The following KHDRBS2 variants were observed in gnomAD, a reference collection of about 807,000 sequenced individuals.
KHDRBS2 encodes the protein KH RNA binding domain containing, signal transduction associated 2, also known as KH domain-containing, RNA-binding, signal transduction-associated protein 2.
A neutral mutation model predicts 44.3 loss-of-function variants in KHDRBS2; 26 were observed. That is an observed-to-expected ratio of 0.59 (90% confidence interval 0.43 to 0.81). The LOEUF is 0.81. Among genes scored for constraint, KHDRBS2 ranks in the 40% least tolerant of loss-of-function variants. KHDRBS2 has a pLI of 0.00. For synonymous variants in KHDRBS2, 194 were observed against 151.1 expected, an observed-to-expected ratio of 1.28 and a Z score of -2.08; for missense variants, 476 against 433.1, an observed-to-expected ratio of 1.10 and a Z score of -0.88.
chr6:61,854,969 G>T (rs1362342032), intron 6 of KHDRBS2, among the ~76,000 whole-genome samples: 1 of 152,046 alleles, frequency 6.6e-6, no homozygotes, highest in East Asian at 1.9e-4. Context: ...GTATTCACAC[G>T]TAGGACTGTC....
chr6:62,182,386 G>A (rs1456480293), intron 1 of KHDRBS2, among the ~76,000 whole-genome samples: 2 of 151,962 alleles, frequency 1.3e-5, no homozygotes, highest in African/African-American at 4.8e-5. Flanking sequence ...GAGAACCACT[G>A]TACAACATAG....
chr6:62,129,420 T>C (rs537003687), intron 2 of KHDRBS2, among the ~76,000 whole-genome samples: 16 of 152,224 alleles, frequency 1.1e-4, no homozygotes, highest in African/African-American at 3.6e-4. Context: ...AAAAGGAATA[T>C]GTCATTAGAT....
rs781674631 is a variant in KHDRBS2, at chr6:62,169,147, G to GTGTATATATACATATACATATATGTATA, written c.219+8037_219+8038insTATACATATATGTATATGTATATATACA. Among the ~76,000 whole-genome samples the GTGTATATATACATATACATATATGTATA allele has an allele frequency of 2.0e-4, 20 of 98,522 alleles. 2 individuals are homozygous for GTGTATATATACATATACATATATGTATA. In the East Asian group the frequency reaches 2.6e-3, roughly 13 times the overall value. 64.6% of individuals were successfully genotyped at this position (98,522 alleles called of 152,430 possible). The stretch of plus-strand genomic sequence containing the variant: ...TATATACATATACACACATATATGT[G>GTGTATATATACATATACATATATGTATA]TGTATATATACGTACACATATATGT... On this transcript the variant is annotated intron_variant, in intron 2 of 8. Transcript: ENST00000281156.
intron 1 of KHDRBS2, among the ~76,000 whole-genome samples, chr6:62,236,523 C>T (rs1428617419): frequency 1.3e-5 from 2 of 151,892 alleles, no homozygotes; most frequent in Non-Finnish European, 2.9e-5. Flanking sequence ...TCAAGACCTC[C>T]ATGTAACTTC....
intron 2 of KHDRBS2, among the ~76,000 whole-genome samples, chr6:62,069,670 C>A (rs1478468254): frequency 6.6e-6 from 1 of 151,698 alleles, no homozygotes; most frequent in Non-Finnish European, 1.5e-5. Flanking sequence ...TAACATTATA[C>A]AATATGTAAA....
chr6:61,986,560 A>G (rs1354487185), intron 3 of KHDRBS2, among the ~76,000 whole-genome samples: 2 of 152,226 alleles, frequency 1.3e-5, no homozygotes, highest in Non-Finnish European at 2.9e-5. Context: ...TTTTAGAAAG[A>G]TAAGGAAAAA....
the KHDRBS2 span, among the ~76,000 whole-genome samples, chr6:61,568,634 T>G: frequency 6.7e-6 from 1 of 149,750 alleles, no homozygotes; most frequent in South Asian, 2.1e-4. Context: ...TACATCTCAC[T>G]GGAGAATCTG....
chr6:61,962,691 T>A (rs932016581), intron 4 of KHDRBS2, among the ~76,000 whole-genome samples: 1 of 152,052 alleles, frequency 6.6e-6, no homozygotes, highest in Admixed American at 6.6e-5. Flanking sequence ...TCAAAAATGA[T>A]CATTTTCATT....
chr6:61,853,817 A>G (rs1421674122), intron 6 of KHDRBS2, among the ~76,000 whole-genome samples: 4 of 152,186 alleles, frequency 2.6e-5, no homozygotes, highest in African/African-American at 9.6e-5. Flanking sequence ...TTGTTGCTCT[A>G]TCCTGCATGA....
At chr6:62,218,544 A>G (rs539515236) in intron 1 of KHDRBS2, among the ~76,000 whole-genome samples, 6 of 151,982 alleles carry the variant, frequency 3.9e-5, no homozygotes, top group African/African-American at 9.6e-5. Flanking sequence ...AAAATTTGAA[A>G]CTAAAAACTT....
At chr6:62,196,977 TA>T (rs1563044362) in intron 1 of KHDRBS2, among the ~76,000 whole-genome samples, 1 of 152,106 alleles carries the variant, frequency 6.6e-6, no homozygotes, top group African/African-American at 2.4e-5. Context: ...GTTCATTCTA[TA>T]GTCTACTTTG....
intron 2 of KHDRBS2, among the ~76,000 whole-genome samples, chr6:62,123,992 C>G (rs1233947779): frequency 1.3e-5 from 2 of 152,184 alleles, no homozygotes; most frequent in African/African-American, 2.4e-5. Context: ...ATTTTTCCCC[C>G]CTTATACTTG....
chr6:61,932,683 C>G (rs1197249087), intron 4 of KHDRBS2, among the ~76,000 whole-genome samples: 1 of 152,084 alleles, frequency 6.6e-6, no homozygotes, highest in Non-Finnish European at 1.5e-5. Context: ...ACCTGTATTC[C>G]CAGCTACTCG....
intron 2 of KHDRBS2, among the ~76,000 whole-genome samples, chr6:62,156,691 T>TCAGGCTGGAGTGCAGTG (rs1190376030): frequency 3.3e-5 from 5 of 152,166 alleles, no homozygotes; most frequent in East Asian, 3.9e-4. Context: ...GCTCTGTCTC[T>TCAGGCTGGAGTGCAGTG]CAGGCTGGAG....
At chr6:61,775,635 A>T (rs576550327) in intron 6 of KHDRBS2, among the ~76,000 whole-genome samples, 11 of 152,210 alleles carry the variant, frequency 7.2e-5, no homozygotes, top group African/African-American at 2.4e-4. Context: ...GCTCAATGAA[A>T]TAAAAGAGGA....
At chr6:62,209,526 T>G (rs1001227412) in intron 1 of KHDRBS2, among the ~76,000 whole-genome samples, 3 of 104,968 alleles carry the variant, frequency 2.9e-5, no homozygotes, top group African/African-American at 4.4e-5. Flanking sequence ...TTGAGAATGC[T>G]ACACAGATTG....
rs866944590 is a variant in KHDRBS2, at chr6:62,286,153, C to T, written c.-205G>A. 1 of 557,328 alleles carries T rather than the reference C, an allele frequency of 1.8e-6. No individual in the cohort carries two copies. The highest frequency in any genetic ancestry group is 3.1e-6 in the Non-Finnish European group (1 of 319,708). 34.5% of individuals were successfully genotyped at this position (557,328 alleles called of 1,614,324 possible). A position where few individuals can be genotyped will look rare whatever the true frequency, so the allele number is the denominator to read the frequency against. ...GCCCCGCGCCCACACCTGCCCGTCC[C>T]TTCCGTCGTCCCTCGCTCGCGCAGA... On this transcript the variant is annotated 5_prime_UTR_variant, in exon 1 of 9. Transcript: ENST00000281156.
At chr6:62,190,754 A>G (rs752024621) in intron 1 of KHDRBS2, among the ~76,000 whole-genome samples, 2 of 152,034 alleles carry the variant, frequency 1.3e-5, no homozygotes, top group African/African-American at 2.4e-5. Flanking sequence ...CTCTTTTACC[A>G]CAATCTTCCT....
chr6:62,156,471 A>C (rs368899459), intron 2 of KHDRBS2, among the ~76,000 whole-genome samples: 33 of 152,216 alleles, frequency 2.2e-4, no homozygotes, highest in East Asian at 9.6e-4. Flanking sequence ...AATTAAGTCA[A>C]CCACCATATT....
Sources: allele counts gnomAD v4.1 joint callset (sites outside exome capture counted in the v4.1 genomes callset), GRCh38; gene constraint gnomAD v4.1.1; transcripts MANE v1.5; gene names NCBI Gene and HGNC (gene_info 2026-07-23, HGNC 2026-07-21).